Variants in SLC6A3 observed in about 807,000 individuals in gnomAD.
The protein encoded by SLC6A3 is solute carrier family 6 member 3, also known as sodium-dependent dopamine transporter.
A neutral mutation model predicts 70.4 loss-of-function variants in SLC6A3; 19 were observed. The observed-to-expected ratio is 0.27, with a 90% CI of 0.19 to 0.40. The LOEUF (loss-of-function observed/expected upper bound fraction) is 0.40, where lower values mean the gene tolerates loss of function less well. Among genes scored for constraint, SLC6A3 ranks in the 10% least tolerant of loss-of-function variants. SLC6A3 has a pLI of 1.00. For missense variants in SLC6A3, 613 were observed against 838.5 expected (o/e 0.73, Z 3.32); for synonymous variants, 368 against 356.6 (o/e 1.03, Z -0.36).
At position 1,408,294 on chromosome 5, in the gene SLC6A3, G is replaced by A. The variant is rs1023596381; in HGVS notation, c.1498+732C>T. Among the ~76,000 whole-genome samples the A allele has an allele frequency of 6.7e-6, 1 of 150,158 alleles. No homozygotes were observed. The highest frequency in any genetic ancestry group is 1.5e-5 in the Non-Finnish European group (1 of 67,842). On this transcript the variant is annotated intron_variant, in intron 11 of 14. Transcript: ENST00000270349. This position sits in a 1 kb window ranked among gnomAD's most constrained non-coding sequence, Gnocchi z 6.4. Reference sequence around the variant, plus strand: ...CTTGATCTCGTGATCTGCCCACCTCGGCCTCCCAAAGTGCTGGGATTACAG... The same window carrying A: ...CTTGATCTCGTGATCTGCCCACCTCAGCCTCCCAAAGTGCTGGGATTACAG...
intron 4 of SLC6A3, 23 bp from the exon 5 acceptor site, chr5:1,422,037 G>C: frequency 6.2e-7 from 1 of 1,605,700 alleles, no homozygotes; most frequent in Non-Finnish European, 8.5e-7. Flanking sequence ...GTCAGCGGGG[G>C]ACTCTGTGGG....
intron 14 of SLC6A3, among the ~76,000 whole-genome samples, chr5:1,398,313 A>G (rs1178304422): frequency 1.3e-5 from 2 of 151,242 alleles, no homozygotes; most frequent in African/African-American, 4.9e-5. Flanking sequence ...GTGAGCAGAG[A>G]TCATGCCACT....
intron 4 of SLC6A3, among the ~76,000 whole-genome samples, chr5:1,423,023 GCTGGGTACCCACCACTGCCCACAGTA>G: frequency 2.1e-4 from 17 of 80,080 alleles, no homozygotes; most frequent in African/African-American, 1.1e-3. Flanking sequence ...TGCCCAAGGT[GCTGGGTACCCACCACTGCCCACAGTA>G]CTGCCCAAGG....
chr5:1,396,629 C>T lies in SLC6A3; in HGVS notation c.1840-1871G>A, dbSNP rs184319251. 1.4e-4 allele frequency among the ~76,000 whole-genome samples: 21 copies of T among 152,268 alleles called. No homozygotes were observed. The highest frequency in any genetic ancestry group is 4.1e-4 in the African/African-American group (17 of 41,560). On this transcript the variant is annotated intron_variant, in intron 14 of 14. Coordinates refer to ENST00000270349, the MANE Select transcript of SLC6A3 (RefSeq NM_001044.5). The surrounding 1 kb of genome is among the most constrained non-coding windows in gnomAD (Gnocchi z 7.0). ...CCAGGACCCCTGCTGAGGGTTCAGA[C>T]GAGCACATCCCGCTGTGAATGAGGA...
chr5:1,436,269 G>T lies in SLC6A3; in HGVS notation c.419-3571C>A, dbSNP rs1430287715. On this transcript the variant is annotated intron_variant, in intron 3 of 14. Coordinates refer to ENST00000270349, the MANE Select transcript of SLC6A3 (RefSeq NM_001044.5). This position sits in a 1 kb window ranked among gnomAD's most constrained non-coding sequence, Gnocchi z 5.2. ...GCTCCTCAAGCTCACCGAAGGCCCA[G>T]ACGCAGGAAACCCACTACCCTGTTG... Among the ~76,000 whole-genome samples, 3 of 152,262 alleles carry T rather than the reference G, an allele frequency of 2.0e-5. No individual in the cohort carries two copies. The highest frequency in any genetic ancestry group is 4.4e-5 in the Non-Finnish European group (3 of 68,044).
intron 4 of SLC6A3, among the ~76,000 whole-genome samples, chr5:1,425,747 C>T (rs111255904): frequency 2.2e-4 from 33 of 152,230 alleles, no homozygotes; most frequent in Admixed American, 3.9e-4. Flanking sequence ...AGAAAATATT[C>T]GCAAATCACC....
At chr5:1,418,428 T>C (rs1423364146) in intron 6 of SLC6A3, among the ~76,000 whole-genome samples, 1 of 152,204 alleles carries the variant, frequency 6.6e-6, no homozygotes, top group Non-Finnish European at 1.5e-5. Flanking sequence ...CATCTATCAC[T>C]GTCATCTATC....
rs553016803 is a variant in SLC6A3 at position 1,397,611 on chromosome 5, C to T, written c.1840-2853G>A. Among the ~76,000 whole-genome samples, 70 of 152,284 alleles carry T rather than the reference C, an allele frequency of 4.6e-4. No individual in the cohort carries two copies. Among genetic ancestry groups the T allele is most frequent in the African/African-American group, 1.5e-3 (64 of 41,566 alleles). ...GCACAGCCACGGAACACTGCTGCCT[C>T]CAAAACGCAGAGATAGTCCCTGTCA... is the stretch of plus-strand genomic sequence containing the variant. On this transcript the variant is annotated intron_variant, in intron 14 of 14. Coordinates refer to ENST00000270349, the MANE Select transcript of SLC6A3 (RefSeq NM_001044.5). The surrounding 1 kb of genome is among the most constrained non-coding windows in gnomAD (Gnocchi z 4.7).
At chr5:1,415,623 T>C (rs1349129480) in intron 7 of SLC6A3, among the ~76,000 whole-genome samples, 2 of 152,160 alleles carry the variant, frequency 1.3e-5, no homozygotes, top group Non-Finnish European at 2.9e-5. Context: ...ATTCTGTTTC[T>C]GTTTTTAGAA....
Position 1,442,851 on chromosome 5 carries a change from C to T in SLC6A3, c.286+61G>A. 1.3e-6 allele frequency: 2 copies of T among 1,572,910 alleles called. No homozygotes were observed. Among genetic ancestry groups the T allele is most frequent in the Non-Finnish European group, 1.7e-6 (2 of 1,143,702 alleles). ...TCTCGTTTCCGTACGTGCCTTGGCC[C>T]CGGCTGCCCCTACGACCCCCGCCCG... On this transcript the variant is annotated intron_variant, in intron 2 of 14. Coordinates refer to ENST00000270349, the MANE Select transcript of SLC6A3 (RefSeq NM_001044.5). This position sits in a 1 kb window ranked among gnomAD's most constrained non-coding sequence, Gnocchi z 5.0.
rs948000467 is a variant in SLC6A3 at position 1,438,747 on chromosome 5, C to T, written c.418+2612G>A. On this transcript the variant is annotated intron_variant, in intron 3 of 14. Coordinates refer to ENST00000270349, the MANE Select transcript of SLC6A3 (RefSeq NM_001044.5). This position sits in a 1 kb window ranked among gnomAD's most constrained non-coding sequence, Gnocchi z 6.5. ...ACCAGGCTCACTGGCGGGAGTGGGG[C>T]ACAGGGCTGTGCCTTGTAAGACACT... 6.6e-6 allele frequency among the ~76,000 whole-genome samples: 1 copy of T among 152,214 alleles called. No homozygotes were observed.
chr5:1,408,823 T>G lies in SLC6A3; in HGVS notation c.1498+203A>C, dbSNP rs1218661194. 6.6e-6 allele frequency among the ~76,000 whole-genome samples: 1 copy of G among 152,152 alleles called. No homozygotes were observed. Among genetic ancestry groups the G allele is most frequent in the Non-Finnish European group, 1.5e-5 (1 of 68,038 alleles). Reference sequence around the variant, plus strand: ...ACACCTCTGACCACAGTGTGCCTCTTCTGGCTGCCATCCAAGCTAAGCACC... The same window carrying G: ...ACACCTCTGACCACAGTGTGCCTCTGCTGGCTGCCATCCAAGCTAAGCACC... On this transcript the variant is annotated intron_variant, in intron 11 of 14. Coordinates refer to ENST00000270349, the MANE Select transcript of SLC6A3 (RefSeq NM_001044.5). This position sits in a 1 kb window ranked among gnomAD's most constrained non-coding sequence, Gnocchi z 6.4.
chr5:1,437,756 C>G lies in SLC6A3; in HGVS notation c.418+3603G>C, dbSNP rs1334559818. 6.6e-6 allele frequency among the ~76,000 whole-genome samples: 1 copy of G among 152,366 alleles called. No individual in the cohort carries two copies. Among genetic ancestry groups the G allele is most frequent in the South Asian group, 2.1e-4 (1 of 4,832 alleles). On this transcript the variant is annotated intron_variant, in intron 3 of 14. Coordinates refer to ENST00000270349, the MANE Select transcript of SLC6A3 (RefSeq NM_001044.5). This position sits in a 1 kb window ranked among gnomAD's most constrained non-coding sequence, Gnocchi z 4.8. Reference sequence around the variant, plus strand: ...CAGGAGGGGAAGGGCCAGGAACAACCAGGCTTCCTGGAGAGCTGGCTTCAT... The same window carrying G: ...CAGGAGGGGAAGGGCCAGGAACAACGAGGCTTCCTGGAGAGCTGGCTTCAT...
At chr5:1,426,930 G>A (rs995100308) in intron 4 of SLC6A3, among the ~76,000 whole-genome samples, 1 of 152,164 alleles carries the variant, frequency 6.6e-6, no homozygotes, top group African/African-American at 2.4e-5. Context: ...TGGCTAAGGT[G>A]GTAAAAGCAA....
chr5:1,395,808 G>C (rs1175923558), intron 14 of SLC6A3, among the ~76,000 whole-genome samples: 1 of 152,250 alleles, frequency 6.6e-6, no homozygotes, highest in African/African-American at 2.4e-5. Flanking sequence ...TTCCCCCCAG[G>C]GTGAAGCAGT....
rs369950427 is a variant in SLC6A3 at position 1,416,160 on chromosome 5, G to A, written c.969C>T (p.Gly323=). ...AGGCGATCAGCACCCCGAACCCCAC[G>A]CCCAGGGAGAAGCACACCTGGGTGG... ...DAATQVCFSL[G]VGFGVLIAFS... Residue 323 remains glycine (G), a synonymous_variant, in exon 7 of 15, where the codon GGC becomes GGT. Transcript: ENST00000270349. 59 of 1,613,748 alleles carry A rather than the reference G, an allele frequency of 3.7e-5. No individual in the cohort carries two copies. Among genetic ancestry groups the A allele is most frequent in the African/African-American group, 5.3e-5 (4 of 74,892 alleles).
At position 1,421,609 on chromosome 5, in the gene SLC6A3, C is replaced by T. The variant is rs1390219860; in HGVS notation, c.792+267G>A. Among the ~76,000 whole-genome samples, 2 of 152,112 alleles carry T rather than the reference C, an allele frequency of 1.3e-5. No homozygotes were observed. Among genetic ancestry groups the T allele is most frequent in the African/African-American group, 2.4e-5 (1 of 41,414 alleles). On this transcript the variant is annotated intron_variant, in intron 5 of 14. Transcript: ENST00000270349. This position sits in a 1 kb window ranked among gnomAD's most constrained non-coding sequence, Gnocchi z 7.2. Reference sequence around the variant, plus strand: ...CCACGGCCACGTGTCCCCCCACCCACCCATGGCCGCGCGTCTACCCAAGCC... The same window carrying T: ...CCACGGCCACGTGTCCCCCCACCCATCCATGGCCGCGCGTCTACCCAAGCC...
Position 1,393,250 on chromosome 5 carries a change from G to A in SLC6A3, c.*1485C>T, listed in dbSNP as rs1579693919. 1 of 152,256 alleles carries A rather than the reference G, an allele frequency of 6.6e-6. No homozygotes were observed. Among genetic ancestry groups the A allele is most frequent in the African/African-American group, 2.4e-5 (1 of 41,476 alleles). 9.4% of individuals were successfully genotyped at this position (152,256 alleles called of 1,614,324 possible). ...AGCACGTAGGCAGGCCCACCGACTT[G>A]AGGCATGAATTCAAACTATGGCATC... On this transcript the variant is annotated 3_prime_UTR_variant, in exon 15 of 15. Transcript: ENST00000270349.
At chr5:1,400,094 T>C (rs529567938) in intron 14 of SLC6A3, among the ~76,000 whole-genome samples, 1 of 152,340 alleles carries the variant, frequency 6.6e-6, no homozygotes, top group East Asian at 1.9e-4. Context: ...CTCTCCCTTT[T>C]GCTGTGCATT....
Sources: gnomAD v4.1 joint callset for allele counts (sites outside exome capture counted in the v4.1 genomes callset) on GRCh38, gnomAD v4.1.1 for gene constraint, Gnocchi (gnomAD v3.1) non-coding constraint, MANE v1.5 for transcripts, NCBI Gene and HGNC (gene_info 2026-07-23, HGNC 2026-07-21) for gene names.